CDH13: variants seen among roughly 807,000 people sequenced by gnomAD.
The protein encoded by CDH13 is cadherin-13.
Under a neutral mutation model 63.8 loss-of-function variants are expected in CDH13, and 24 were observed. That is an observed-to-expected ratio of 0.38 (90% CI 0.27 to 0.53). The LOEUF is 0.53. CDH13 is among the 20% of genes least tolerant of loss of function. The pLI is 0.85. For missense variants in CDH13, 1,049 were observed against 903.1 expected (o/e 1.16, Z -2.07); for synonymous variants, 503 against 355.3 (o/e 1.42, Z -4.67).
At chr16:82,709,240 A>G (rs1432848474) in intron 1 of CDH13, among the ~76,000 whole-genome samples, 2 of 152,228 alleles carry the variant, frequency 1.3e-5, no homozygotes, top group Admixed American at 6.5e-5. Context: ...TTACATGGAC[A>G]TTATCATCAA....
In CDH13 at chr16:82,819,911, C is replaced by T. The variant is rs534664059; in HGVS notation, c.46-38451C>T. ...GCAATGGGAATAGAAAAAGCAGAGC[C>T]GAATGAGGGCTAGATGGATGCTGGG... On this transcript the variant is annotated intron_variant, in intron 1 of 13. Transcript: ENST00000567109. Among the ~76,000 whole-genome samples, 5 of 152,154 alleles carry T rather than the reference C, an allele frequency of 3.3e-5. No individual in the cohort carries two copies. The South Asian group carries it at 6.2e-4, about 19-fold the overall frequency.
chr16:83,239,923 G>C (rs1443145674), intron 5 of CDH13, among the ~76,000 whole-genome samples: 1 of 152,166 alleles, frequency 6.6e-6, no homozygotes, highest in Non-Finnish European at 1.5e-5. Context: ...GATGATCAGA[G>C]ATGGCCTTTC....
At chr16:82,909,173 T>G (rs117645123) in intron 2 of CDH13, among the ~76,000 whole-genome samples, 18 of 152,316 alleles carry the variant, frequency 1.2e-4, no homozygotes, top group Non-Finnish European at 2.2e-4. Flanking sequence ...TTATTTTTAT[T>G]GTTTTAAACA....
intron 6 of CDH13, among the ~76,000 whole-genome samples, chr16:83,433,976 T>G (rs1295665934): frequency 6.6e-6 from 1 of 152,204 alleles, no homozygotes; most frequent in African/African-American, 2.4e-5. Context: ...TACTTATTTT[T>G]CTTTCCTTTC....
intron 2 of CDH13, among the ~76,000 whole-genome samples, chr16:82,915,807 A>C (rs1191447645): frequency 6.6e-6 from 1 of 150,386 alleles, no homozygotes; most frequent in Non-Finnish European, 1.5e-5. Flanking sequence ...ACCCTCTGAC[A>C]TACACCCTCT....
At chr16:83,780,892 G>A (rs760833528) in intron 12 of CDH13, among the ~76,000 whole-genome samples, 10 of 152,120 alleles carry the variant, frequency 6.6e-5, no homozygotes, top group South Asian at 2.1e-4. Context: ...TTTCACCAGC[G>A]CATTGGAGAG....
intron 7 of CDH13, among the ~76,000 whole-genome samples, chr16:83,578,736 A>G (rs186422130): frequency 3.3e-4 from 51 of 152,362 alleles, no homozygotes; most frequent in Non-Finnish European, 4.6e-4. Context: ...GGCACAATTC[A>G]GAGCAATAGT....
chr16:83,217,391 G>A lies in CDH13; in HGVS notation c.530G>A (p.Gly177Glu), dbSNP rs760301727. The A allele has an allele frequency of 1.2e-6, 2 of 1,613,886 alleles. No homozygotes were observed. Among genetic ancestry groups the A allele is most frequent in the Non-Finnish European group, 8.5e-7 (1 of 1,179,806 alleles). The change falls in exon 5 of 14, where the codon GGA becomes GAA. Residue 177 changes from glycine (G) to glutamate (E), a missense_variant. Transcript: ENST00000567109. ...RPERSKFRLT[G>E]KGVDQEPKGI... ...GAAAGGTCCAAGTTCCGGCTCACTG[G>A]AAAGGGAGTGGATCAAGAGCCTAAA...
At chr16:82,914,817 G>A (rs1262828259) in intron 2 of CDH13, among the ~76,000 whole-genome samples, 1 of 152,128 alleles carries the variant, frequency 6.6e-6, no homozygotes, top group Admixed American at 6.5e-5. Context: ...AATCGTTTCT[G>A]CAGTTCATTA....
At chr16:82,669,470 C>G (rs912449382) in intron 1 of CDH13, among the ~76,000 whole-genome samples, 16 of 152,196 alleles carry the variant, frequency 1.1e-4, no homozygotes, top group African/African-American at 3.9e-4. Context: ...GTGACACATT[C>G]TAGTACGGAC....
chr16:82,882,243 C>T (rs1436412661), intron 2 of CDH13, among the ~76,000 whole-genome samples: 1 of 152,140 alleles, frequency 6.6e-6, no homozygotes, highest in African/African-American at 2.4e-5. Context: ...CATTAATCTC[C>T]ACTAGTAGAG....
intron 9 of CDH13, 105 bp from the exon 10 acceptor site, chr16:83,678,103 C>A: frequency 8.5e-7 from 1 of 1,181,760 alleles, no homozygotes. Context: ...CCAGCTCCAT[C>A]CCTGAAGGCC....
chr16:83,277,506 G>T (rs1265320796), intron 5 of CDH13, among the ~76,000 whole-genome samples: 2 of 152,174 alleles, frequency 1.3e-5, no homozygotes, highest in African/African-American at 4.8e-5. Flanking sequence ...CTTAAAGTGT[G>T]ATCAGTGAGA....
chr16:83,514,632 G>A (rs1221872064), intron 7 of CDH13, among the ~76,000 whole-genome samples: 3 of 152,142 alleles, frequency 2.0e-5, no homozygotes, highest in African/African-American at 7.2e-5. Context: ...GCAACAGAGT[G>A]AGACTCCATC....
chr16:83,090,571 C>G (rs1281117193), intron 3 of CDH13, among the ~76,000 whole-genome samples: 3 of 90,734 alleles, frequency 3.3e-5, no homozygotes, highest in Non-Finnish European at 6.1e-5. Flanking sequence ...GAAACTGCAT[C>G]TCAAAAAAAA....
chr16:82,956,422 A>C (rs900611993), intron 2 of CDH13, among the ~76,000 whole-genome samples: 12 of 151,666 alleles, frequency 7.9e-5, no homozygotes, highest in Admixed American at 7.9e-4. Context: ...ATCCTGCCAC[A>C]CCCTTTGGAA....
chr16:83,099,083 C>T (rs915743069), intron 3 of CDH13, among the ~76,000 whole-genome samples: 11 of 151,900 alleles, frequency 7.2e-5, no homozygotes, highest in African/African-American at 2.7e-4. Flanking sequence ...CATACACACC[C>T]ACACACACAT....
intron 1 of CDH13, among the ~76,000 whole-genome samples, chr16:82,838,547 G>C (rs34494449): frequency 0.09 from 13,699 of 152,158 alleles, 2,243 homozygotes; most frequent in East Asian, 0.76. Flanking sequence ...CAAAGTAATA[G>C]TAATATCATG....
intron 6 of CDH13, among the ~76,000 whole-genome samples, chr16:83,476,707 A>C (rs1220140670): frequency 1.3e-5 from 2 of 151,296 alleles, no homozygotes; most frequent in Admixed American, 1.3e-4. Flanking sequence ...TTAAACAAAC[A>C]AAAAAAACCA....
Sources: allele counts gnomAD v4.1 joint callset (sites outside exome capture counted in the v4.1 genomes callset), GRCh38; gene constraint gnomAD v4.1.1; transcripts MANE v1.5; gene names NCBI Gene and HGNC (gene_info 2026-07-23, HGNC 2026-07-21).